The following DGKI variants were observed in gnomAD, a reference collection of about 807,000 sequenced individuals.
DGKI encodes DAG kinase iota.
DGKI carries 55 observed loss-of-function variants against 147.5 expected under a neutral mutation model. The ratio of observed to expected loss-of-function variants is 0.37; its 90% CI spans 0.30 to 0.47. DGKI has a LOEUF of 0.47. Among genes scored for constraint, DGKI ranks in the 20% least tolerant of loss-of-function variants. DGKI has a pLI of 1.00. For missense variants in DGKI, 1,007 were observed against 1,323.8 expected, an observed-to-expected ratio of 0.76 and a Z score of 3.71; for synonymous variants, 469 against 477.1, an observed-to-expected ratio of 0.98 and a Z score of 0.22.
chr7:137,721,956 T>G, intron 1 of DGKI: 1 of 1,336,524 alleles, frequency 7.5e-7, no homozygotes, highest in Non-Finnish European at 1.0e-6. Flanking sequence ...CTTAGAAGTA[T>G]AGCATAGTGA....
chr7:137,611,538 T>C (rs1820365223), intron 8 of DGKI, among the ~76,000 whole-genome samples: 1 of 152,166 alleles, frequency 6.6e-6, no homozygotes, highest in African/African-American at 2.4e-5. Flanking sequence ...GGACTCTGAA[T>C]CTCCCTGTTG....
chr7:137,807,979 G>T (rs911901089), intron 1 of DGKI, among the ~76,000 whole-genome samples: 1 of 152,092 alleles, frequency 6.6e-6, no homozygotes, highest in Non-Finnish European at 1.5e-5. Context: ...GGCAACTCTC[G>T]TCTCTTGGGA....
chr7:137,783,431 A>T (rs1306573132), intron 1 of DGKI, among the ~76,000 whole-genome samples: 1 of 152,232 alleles, frequency 6.6e-6, no homozygotes, highest in Non-Finnish European at 1.5e-5. Flanking sequence ...AAGACAAAGA[A>T]AAAAGAATTT....
chr7:137,419,540 C>CA (rs1812481968), intron 28 of DGKI, among the ~76,000 whole-genome samples: 2 of 151,978 alleles, frequency 1.3e-5, no homozygotes, highest in Admixed American at 1.3e-4. Context: ...GCTTAGCTCG[C>CA]AAAAAAATGA....
At chr7:137,828,790 A>G (rs973757922) in intron 1 of DGKI, among the ~76,000 whole-genome samples, 4 of 152,194 alleles carry the variant, frequency 2.6e-5, no homozygotes, top group Non-Finnish European at 4.4e-5. Context: ...AGCCACAGTA[A>G]AAGTATAAGT....
chr7:137,453,780 A>G (rs1235747351), intron 27 of DGKI, among the ~76,000 whole-genome samples: 1 of 152,164 alleles, frequency 6.6e-6, no homozygotes. Context: ...CAGCATGTAA[A>G]TAATAAAGGC....
intron 1 of DGKI, among the ~76,000 whole-genome samples, chr7:137,745,574 C>T (rs965768435): frequency 6.6e-6 from 1 of 152,212 alleles, no homozygotes; most frequent in African/African-American, 2.4e-5. Context: ...GTCAGTGCTA[C>T]CTGTCCCTCA....
intron 21 of DGKI, among the ~76,000 whole-genome samples, chr7:137,515,546 T>G: frequency 6.6e-6 from 1 of 152,286 alleles, no homozygotes; most frequent in Middle Eastern, 3.4e-3. Context: ...GAAATGGAAT[T>G]GTGAAAGACT....
At chr7:137,636,376 C>G (rs1237037218) in intron 6 of DGKI, among the ~76,000 whole-genome samples, 2 of 152,156 alleles carry the variant, frequency 1.3e-5, no homozygotes, top group Non-Finnish European at 2.9e-5. Context: ...TATCCCATAT[C>G]CTTCCTCTTC....
chr7:137,562,527 C>T (rs1211682724), intron 19 of DGKI, among the ~76,000 whole-genome samples: 1 of 151,878 alleles, frequency 6.6e-6, no homozygotes, highest in Non-Finnish European at 1.5e-5. Flanking sequence ...AAGAGCAAAA[C>T]TCCATATCAA....
chr7:137,409,877 G>A (rs1033354741), intron 29 of DGKI, among the ~76,000 whole-genome samples: 1 of 151,300 alleles, frequency 6.6e-6, no homozygotes, highest in Non-Finnish European at 1.5e-5. Flanking sequence ...TCTATCTCTC[G>A]CTCTCTTTGT....
chr7:137,835,578 GT>G (rs548264897), intron 1 of DGKI, among the ~76,000 whole-genome samples: 5 of 150,842 alleles, frequency 3.3e-5, no homozygotes, highest in African/African-American at 4.9e-5. Context: ...ATCTCTACCT[GT>G]TTTTTTTTCT....
intron 24 of DGKI, 52 bp from the exon 25 acceptor site, chr7:137,466,994 C>T: frequency 3.2e-6 from 5 of 1,567,214 alleles, no homozygotes; most frequent in Non-Finnish European, 4.4e-6. Context: ...AATCTGGCAC[C>T]AAATTTATAA....
At chr7:137,793,942 A>G (rs1585500996) in intron 1 of DGKI, among the ~76,000 whole-genome samples, 1 of 152,252 alleles carries the variant, frequency 6.6e-6, no homozygotes, top group African/African-American at 2.4e-5. Flanking sequence ...TTTCAAAGTC[A>G]CCATCATCTA....
At chr7:137,391,450 C>T (rs1365805556) in intron 32 of DGKI, 114 bp from the exon 33 acceptor site, 13 of 701,050 alleles carry the variant, frequency 1.9e-5, no homozygotes, top group Middle Eastern at 2.5e-4. Context: ...AACAGAACTA[C>T]GCAAGGATAC....
At chr7:137,801,757 G>T (rs1383964993) in intron 1 of DGKI, among the ~76,000 whole-genome samples, 1 of 152,160 alleles carries the variant, frequency 6.6e-6, no homozygotes, top group East Asian at 1.9e-4. Context: ...GGGGAGAGAG[G>T]ATTAGTAAAT....
chr7:137,819,244 G>A lies in DGKI; in HGVS notation c.401+27218C>T, dbSNP rs542699323. 3.3e-5 allele frequency among the ~76,000 whole-genome samples: 5 copies of A among 151,876 alleles called. No individual in the cohort carries two copies. The South Asian group carries it at 6.2e-4, about 19-fold the overall frequency. ...GTTACACCAGATAACACTCCTCAAC[G>A]AAGCTGTGTTCCCAGACCCACAGCT... On this transcript the variant is annotated intron_variant, in intron 1 of 32. Coordinates refer to ENST00000614521, the MANE Select transcript of DGKI (RefSeq NM_001321708.2).
chr7:137,698,910 A>G (rs984581758), intron 1 of DGKI, among the ~76,000 whole-genome samples: 1 of 152,160 alleles, frequency 6.6e-6, no homozygotes, highest in Admixed American at 6.5e-5. Context: ...AAGGAAGGGA[A>G]GGATCCACAA....
intron 32 of DGKI, among the ~76,000 whole-genome samples, chr7:137,392,068 A>G (rs1256497919): frequency 2.0e-5 from 3 of 152,194 alleles, no homozygotes; most frequent in Non-Finnish European, 4.4e-5. Flanking sequence ...TATTTTTATA[A>G]AAACAAAACC....
Sources: gnomAD v4.1 joint callset for allele counts (sites outside exome capture counted in the v4.1 genomes callset) on GRCh38, gnomAD v4.1.1 for gene constraint, MANE v1.5 for transcripts, NCBI Gene and HGNC (gene_info 2026-07-23, HGNC 2026-07-21) for gene names.